The following ST6GALNAC3 variants were observed in gnomAD, a reference collection of about 807,000 sequenced individuals.
ST6GALNAC3 encodes the protein alpha-N-acetylgalactosaminide alpha-2,6-sialyltransferase 3.
Under a neutral mutation model 32.7 loss-of-function variants are expected in ST6GALNAC3, and 25 were observed. That is an observed-to-expected ratio of 0.76 (90% CI 0.56 to 1.07). ST6GALNAC3 has a LOEUF of 1.07. Among genes scored for constraint, ST6GALNAC3 ranks in the 50% least tolerant of loss-of-function variants. The probability of loss-of-function intolerance (pLI) is 0.00; values close to 1 mark genes in which losing one functional copy is unlikely to be tolerated. For missense variants in ST6GALNAC3, 355 were observed against 382.4 expected, an observed-to-expected ratio of 0.93 and a Z score of 0.60; for synonymous variants, 129 against 133.1, an observed-to-expected ratio of 0.97 and a Z score of 0.21.
At chr1:76,354,003 C>A in intron 2 of ST6GALNAC3, 1 of 175,188 alleles carries the variant, frequency 5.7e-6, no homozygotes, top group Admixed American at 5.7e-5. Context: ...TGTTCCCAGG[C>A]TCCCTTTCAA....
intron 2 of ST6GALNAC3, among the ~76,000 whole-genome samples, chr1:76,403,601 A>T (rs1025381612): frequency 6.6e-6 from 1 of 151,812 alleles, no homozygotes; most frequent in African/African-American, 2.4e-5. Flanking sequence ...TCAGGGGTGG[A>T]CTCCCGCCAT....
chr1:76,313,123 A>C (rs975109035), intron 1 of ST6GALNAC3, among the ~76,000 whole-genome samples: 14 of 152,112 alleles, frequency 9.2e-5, no homozygotes, highest in African/African-American at 3.1e-4. Context: ...CTACTCATAC[A>C]GGGTGCTAGA....
At chr1:76,220,555 A>C (rs1031913880) in intron 1 of ST6GALNAC3, among the ~76,000 whole-genome samples, 2 of 152,204 alleles carry the variant, frequency 1.3e-5, no homozygotes, top group Non-Finnish European at 2.9e-5. Flanking sequence ...AATACAAACA[A>C]ATAATCAGGC....
intron 1 of ST6GALNAC3, among the ~76,000 whole-genome samples, chr1:76,299,859 T>C (rs1006085312): frequency 3.9e-5 from 6 of 152,092 alleles, no homozygotes; most frequent in Non-Finnish European, 8.8e-5. Flanking sequence ...TTTTTTCCCT[T>C]TATTTTAAGA....
At chr1:76,569,542 T>C (rs563718115) in intron 3 of ST6GALNAC3, among the ~76,000 whole-genome samples, 4 of 152,292 alleles carry the variant, frequency 2.6e-5, no homozygotes, top group African/African-American at 9.6e-5. Flanking sequence ...TGGTTGCAAA[T>C]GAAACTTTAT....
intron 2 of ST6GALNAC3, among the ~76,000 whole-genome samples, chr1:76,322,735 T>A (rs1646992253): frequency 6.6e-6 from 1 of 152,154 alleles, no homozygotes; most frequent in Non-Finnish European, 1.5e-5. Flanking sequence ...TATCAAATGT[T>A]ATCCACCACT....
chr1:76,595,361 C>G (rs766799181), intron 3 of ST6GALNAC3, among the ~76,000 whole-genome samples: 23 of 152,146 alleles, frequency 1.5e-4, no homozygotes, highest in Non-Finnish European at 2.4e-4. Context: ...ACTCCTTGCC[C>G]TCTGCCTCAG....
chr1:76,200,565 GCTACCATGC>G (rs1654459290), intron 1 of ST6GALNAC3, among the ~76,000 whole-genome samples: 1 of 152,086 alleles, frequency 6.6e-6, no homozygotes, highest in Non-Finnish European at 1.5e-5. Context: ...TTAGATGGTG[GCTACCATGC>G]TATGTGTATA....
chr1:76,128,169 C>A (rs1313895327), intron 1 of ST6GALNAC3, among the ~76,000 whole-genome samples: 1 of 152,102 alleles, frequency 6.6e-6, no homozygotes, highest in East Asian at 1.9e-4. Context: ...AAGGAGACCT[C>A]AGCATACAAG....
chr1:76,323,201 T>G (rs947264608), intron 2 of ST6GALNAC3, among the ~76,000 whole-genome samples: 3 of 152,066 alleles, frequency 2.0e-5, no homozygotes, highest in Non-Finnish European at 2.9e-5. Flanking sequence ...TAAAAATGAT[T>G]AAGAATGAAT....
At chr1:76,342,927 G>GT (rs895977179) in intron 2 of ST6GALNAC3, among the ~76,000 whole-genome samples, 1 of 149,634 alleles carries the variant, frequency 6.7e-6, no homozygotes, top group African/African-American at 2.5e-5. Context: ...GTTATTTGTG[G>GT]TTTTTTTCTT....
At position 76,319,282 on chromosome 1, in the gene ST6GALNAC3, G is replaced by A. The variant is rs556389005; in HGVS notation, c.213+5283G>A. 2.0e-4 allele frequency among the ~76,000 whole-genome samples: 30 copies of A among 152,222 alleles called. No homozygotes were observed. In the South Asian group the frequency reaches 6.0e-3, roughly 31 times the overall value. ...GATTGCCAGAACACAGGAAGCAAGT[G>A]CAGGGCTGCATACTGACTTACTCGA... On this transcript the variant is annotated intron_variant, in intron 2 of 4. Transcript: ENST00000328299.
Position 76,412,008 on chromosome 1 carries a change from C to T in ST6GALNAC3, c.214C>T (p.Pro72Ser), listed in dbSNP as rs1654272098. The change falls in exon 3 of 5, where the codon CCT becomes TCT. Residue 72 changes from proline (P) to serine (S), a missense_variant and splice_region_variant. Physicochemically the swap from Pro to Ser is moderately conservative, Grantham distance 74. Transcript: ENST00000328299. Reference sequence around the variant, plus strand: ...CATGCCTTCTTTCTCTATTTTTCAGCCTTTGCAACTGGACTGTGACCTTTG... The same window carrying T: ...CATGCCTTCTTTCTCTATTTTTCAGTCTTTGCAACTGGACTGTGACCTTTG... Reference protein sequence around the residue: ...YGYINVKTQEPLQLDCDLCAI... With the variant: ...YGYINVKTQESLQLDCDLCAI... 2.5e-6 allele frequency: 4 copies of T among 1,607,070 alleles called. No homozygotes were observed. The highest frequency in any genetic ancestry group is 3.4e-6 in the Non-Finnish European group (4 of 1,176,142).
intron 3 of ST6GALNAC3, among the ~76,000 whole-genome samples, chr1:76,534,544 G>C (rs967954395): frequency 2.0e-5 from 3 of 151,988 alleles, no homozygotes; most frequent in East Asian, 1.9e-4. Flanking sequence ...TCCTAGGAAG[G>C]GTTTATGTTT....
intron 2 of ST6GALNAC3, 38 bp downstream of exon 2, chr1:76,314,037 T>A (rs1177517207): frequency 2.5e-6 from 4 of 1,580,428 alleles, no homozygotes; most frequent in South Asian, 1.2e-5. Flanking sequence ...TTGGAGAGTA[T>A]CCATGGTAAC....
chr1:76,556,163 A>G (rs1379602081), intron 3 of ST6GALNAC3, among the ~76,000 whole-genome samples: 1 of 152,142 alleles, frequency 6.6e-6, no homozygotes, highest in African/African-American at 2.4e-5. Flanking sequence ...TTCATTAAGC[A>G]TAATATTTTC....
chr1:76,106,742 AT>A (rs1194758056), intron 1 of ST6GALNAC3, among the ~76,000 whole-genome samples: 1 of 152,214 alleles, frequency 6.6e-6, no homozygotes, highest in East Asian at 1.9e-4. Flanking sequence ...TTTTGCAACA[AT>A]AACAACTAAA....
intron 3 of ST6GALNAC3, among the ~76,000 whole-genome samples, chr1:76,587,526 G>T (rs1347248914): frequency 4.6e-5 from 7 of 152,220 alleles, no homozygotes; most frequent in African/African-American, 7.2e-5. Flanking sequence ...GTGTGATGCA[G>T]CATATGCTTG....
chr1:76,528,269 G>C lies in ST6GALNAC3; in HGVS notation c.624-99183G>C, dbSNP rs138534428. 3.2e-4 allele frequency among the ~76,000 whole-genome samples: 49 copies of C among 152,256 alleles called. 1 individual carries two copies. In the East Asian group the frequency reaches 8.3e-3, roughly 26 times the overall value. On this transcript the variant is annotated intron_variant, in intron 3 of 4. Transcript: ENST00000328299. ...GTGAGTAATTATTTTGTGTAATCCT[G>C]TAACAATTCTATGAGGTAGGCTCTG...
Sources: gnomAD v4.1 joint callset for allele counts (sites outside exome capture counted in the v4.1 genomes callset) on GRCh38, gnomAD v4.1.1 for gene constraint, MANE v1.5 for transcripts, NCBI Gene and HGNC (gene_info 2026-07-23, HGNC 2026-07-21) for gene names.